Variants in NOX4 observed in about 807,000 individuals in gnomAD.
NOX4 encodes the protein kidney oxidase-1.
NOX4 carries 69 observed loss-of-function variants against 87.6 expected under a neutral mutation model. The ratio of observed to expected loss-of-function variants is 0.79; its 90% confidence interval spans 0.65 to 0.96. NOX4 has a LOEUF of 0.96. NOX4 is among the 40% of genes least tolerant of loss of function. NOX4 has a pLI of 0.00. For synonymous variants in NOX4, 275 were observed against 238.2 expected (o/e 1.15, Z -1.42); for missense variants, 680 against 681.5 (o/e 1.00, Z 0.02).
chr11:89,571,691 G>GAAA, the NOX4 span, among the ~76,000 whole-genome samples: 2 of 144,854 alleles, frequency 1.4e-5, no homozygotes, highest in Non-Finnish European at 3.0e-5. Flanking sequence ...TTACTTTTGT[G>GAAA]AAAAAAAAAA....
the NOX4 span, among the ~76,000 whole-genome samples, chr11:89,505,450 T>C: frequency 2.0e-5 from 3 of 151,858 alleles, no homozygotes; most frequent in Non-Finnish European, 2.9e-5. Flanking sequence ...GTAACTTTAA[T>C]GAGAGTGTGA....
At chr11:89,555,583 C>T in the NOX4 span, among the ~76,000 whole-genome samples, 2 of 151,926 alleles carry the variant, frequency 1.3e-5, no homozygotes, top group Non-Finnish European at 2.9e-5. Context: ...CGAAATGATA[C>T]TTGAATTGAA....
intron 1 of NOX4, among the ~76,000 whole-genome samples, chr11:89,497,312 G>A (rs1158085203): frequency 6.6e-6 from 1 of 152,168 alleles, no homozygotes. Context: ...AAACAGAAGT[G>A]TCTGAAAAAA....
the NOX4 span, among the ~76,000 whole-genome samples, chr11:89,553,474 C>T: frequency 2.0e-5 from 3 of 152,180 alleles, no homozygotes; most frequent in Admixed American, 6.6e-5. Flanking sequence ...TATAAATTAC[C>T]CAGTTTCAGG....
intron 2 of NOX4, among the ~76,000 whole-genome samples, chr11:89,478,941 A>C (rs968332256): frequency 1.3e-5 from 2 of 152,052 alleles, no homozygotes; most frequent in Admixed American, 1.3e-4. Context: ...GTGCACTATG[A>C]TCATGCCTGT....
At chr11:89,453,426 T>G (rs1467511255) in intron 2 of NOX4, among the ~76,000 whole-genome samples, 2 of 152,208 alleles carry the variant, frequency 1.3e-5, no homozygotes, top group Admixed American at 6.5e-5. Context: ...TATTTGACTC[T>G]GTCTTAGGAG....
At chr11:89,403,459 C>T (rs1316760039) in intron 8 of NOX4, among the ~76,000 whole-genome samples, 1 of 152,138 alleles carries the variant, frequency 6.6e-6, no homozygotes, top group Non-Finnish European at 1.5e-5. Flanking sequence ...GGTTGGTTTA[C>T]AGTACATGCT....
Position 89,324,917 on chromosome 11 carries a change from T to G in NOX4, c.*1839A>C, listed in dbSNP as rs1341484575. 1 of 151,948 alleles carries G rather than the reference T, an allele frequency of 6.6e-6. No individual in the cohort carries two copies. Among genetic ancestry groups the G allele is most frequent in the Non-Finnish European group, 1.5e-5 (1 of 68,000 alleles). The allele number at this position is 151,948 out of a possible 1,614,324, so 9.4% of individuals were successfully genotyped here. Reference sequence around the variant, plus strand: ...AGAAATATCTACAAGTAAATATCATTCAGTATGGGTTAGCATGCTTGATTG... The same window carrying G: ...AGAAATATCTACAAGTAAATATCATGCAGTATGGGTTAGCATGCTTGATTG... On this transcript the variant is annotated 3_prime_UTR_variant, in exon 18 of 18. Coordinates refer to ENST00000263317, the MANE Select transcript of NOX4 (RefSeq NM_016931.5).
At chr11:89,588,805 C>A in the NOX4 span, among the ~76,000 whole-genome samples, 1 of 152,020 alleles carries the variant, frequency 6.6e-6, no homozygotes, top group Non-Finnish European at 1.5e-5. Context: ...ATTGAGAATG[C>A]GAAATAAATA....
intron 6 of NOX4, among the ~76,000 whole-genome samples, chr11:89,436,177 T>C (rs1025560799): frequency 6.6e-6 from 1 of 152,150 alleles, no homozygotes; most frequent in Non-Finnish European, 1.5e-5. Context: ...CTACAAAAAT[T>C]CCCAGTCCAC....
At chr11:89,398,033 A>G (rs1001372235) in intron 11 of NOX4, among the ~76,000 whole-genome samples, 1 of 152,132 alleles carries the variant, frequency 6.6e-6, no homozygotes, top group Non-Finnish European at 1.5e-5. Flanking sequence ...TTGTAGACCA[A>G]TATCCCTGAT....
chr11:89,487,823 C>T (rs1946691676), intron 2 of NOX4, among the ~76,000 whole-genome samples: 1 of 152,094 alleles, frequency 6.6e-6, no homozygotes, highest in Non-Finnish European at 1.5e-5. Context: ...CATTTCTTTG[C>T]AATTTGAAAA....
the NOX4 span, among the ~76,000 whole-genome samples, chr11:89,568,058 C>T: frequency 6.6e-6 from 1 of 152,166 alleles, no homozygotes; most frequent in Non-Finnish European, 1.5e-5. Context: ...GCTGCTTAAC[C>T]TCACGGGGAC....
chr11:89,524,635 C>T, the NOX4 span, among the ~76,000 whole-genome samples: 14 of 152,036 alleles, frequency 9.2e-5, no homozygotes, highest in African/African-American at 3.1e-4. Flanking sequence ...TTCACTAATG[C>T]AACCACCATT....
intron 17 of NOX4, among the ~76,000 whole-genome samples, chr11:89,334,156 T>A (rs74395215): frequency 0.073 from 11,013 of 151,684 alleles, 526 homozygotes; most frequent in Admixed American, 0.14. Flanking sequence ...AACAAAAAAA[T>A]TCTTGTCAGA....
rs35340897 is a variant in NOX4 at position 89,444,524 on chromosome 11, T to TAC, written c.350-294_350-293dup. Among the ~76,000 whole-genome samples the TAC allele has an allele frequency of 4.7e-3, 682 of 144,940 alleles. 4 individuals are homozygous for TAC. The highest frequency in any genetic ancestry group is 0.026 in the South Asian group (119 of 4,534). Reference sequence around the variant, plus strand: ...ACACACATCCTCCCCCTAACACACATACACACACACACACACACACACACA... The same window carrying TAC: ...ACACACATCCTCCCCCTAACACACATACACACACACACACACACACACACACA... On this transcript the variant is annotated intron_variant, in intron 4 of 17. Coordinates refer to ENST00000263317, the MANE Select transcript of NOX4 (RefSeq NM_016931.5).
chr11:89,400,431 T>C (rs1368676669), intron 9 of NOX4, 52 bp from the exon 10 acceptor site: 1 of 1,379,004 alleles, frequency 7.3e-7, no homozygotes, highest in Non-Finnish European at 9.7e-7. Context: ...ATTGTAGAAA[T>C]CTACACCCTG....
At chr11:89,380,102 T>C (rs1007663288) in intron 11 of NOX4, among the ~76,000 whole-genome samples, 4 of 152,180 alleles carry the variant, frequency 2.6e-5, no homozygotes, top group African/African-American at 9.7e-5. Flanking sequence ...ACTTGGGACA[T>C]GAAGCATATG....
chr11:89,361,091 A>G (rs1938488274), intron 12 of NOX4, among the ~76,000 whole-genome samples: 1 of 152,098 alleles, frequency 6.6e-6, no homozygotes, highest in Non-Finnish European at 1.5e-5. Context: ...CAGCAATCTC[A>G]CTACTAGGTA....
Sources: allele counts gnomAD v4.1 joint callset (sites outside exome capture counted in the v4.1 genomes callset), GRCh38; gene constraint gnomAD v4.1.1; transcripts MANE v1.5; gene names NCBI Gene and HGNC (gene_info 2026-07-23, HGNC 2026-07-21).